Variants in UGT8 observed in about 807,000 individuals in gnomAD.
UGT8 encodes UDP glycosyltransferase 8.
In UGT8, 12 loss-of-function variants were observed where a neutral mutation model predicts 40.5. The observed-to-expected ratio is 0.30, with a 90% CI of 0.19 to 0.48. UGT8 has a LOEUF of 0.48. Ranked by LOEUF, UGT8 falls within the 20% of genes least tolerant of loss-of-function variation. The probability of loss-of-function intolerance (pLI) is 0.99; values close to 1 mark genes in which losing one functional copy is unlikely to be tolerated. For synonymous variants in UGT8, 224 were observed against 240.4 expected (o/e 0.93, Z 0.63); for missense variants, 513 against 648.7 (o/e 0.79, Z 2.27).
intron 2 of UGT8, chr4:114,663,694 A>G: frequency 3.0e-6 from 3 of 985,128 alleles, no homozygotes; most frequent in Non-Finnish European, 3.6e-6. Flanking sequence ...AACATGCATC[A>G]GTTGTCATTT....
At chr4:114,612,248 A>T (rs1474003945) in intron 1 of UGT8, among the ~76,000 whole-genome samples, 3 of 152,096 alleles carry the variant, frequency 2.0e-5, no homozygotes, top group Non-Finnish European at 2.9e-5. Context: ...TTAGTTGTTT[A>T]TTTTGGTATA....
At chr4:114,614,798 G>T in intron 1 of UGT8, among the ~76,000 whole-genome samples, 1 of 148,728 alleles carries the variant, frequency 6.7e-6, no homozygotes, top group Non-Finnish European at 1.5e-5. Context: ...AGTTCTCTCT[G>T]TGTAAGGTTT....
chr4:114,605,508 A>G (rs1363539926), intron 1 of UGT8, among the ~76,000 whole-genome samples: 1 of 152,196 alleles, frequency 6.6e-6, no homozygotes, highest in Non-Finnish European at 1.5e-5. Context: ...ATTATATAAC[A>G]AAATATTTGT....
intron 3 of UGT8, 95 bp downstream of exon 3, chr4:114,664,232 C>A: frequency 7.2e-7 from 1 of 1,382,836 alleles, no homozygotes; most frequent in Non-Finnish European, 9.9e-7. Flanking sequence ...CATTGTTTCC[C>A]TGACAAGATT....
chr4:114,671,216 A>G (rs1011392117), intron 5 of UGT8, among the ~76,000 whole-genome samples: 1 of 152,254 alleles, frequency 6.6e-6, no homozygotes. Flanking sequence ...AATATTGTGA[A>G]AATGGCTATA....
intron 1 of UGT8, among the ~76,000 whole-genome samples, chr4:114,601,378 A>G (rs889580151): frequency 3.9e-5 from 6 of 152,220 alleles, no homozygotes; most frequent in Non-Finnish European, 8.8e-5. Context: ...GCACCTGTTT[A>G]TCAAATAATA....
chr4:114,632,196 TAGAG>T (rs1281219838), intron 2 of UGT8, among the ~76,000 whole-genome samples: 1 of 152,166 alleles, frequency 6.6e-6, no homozygotes, highest in African/African-American at 2.4e-5. Context: ...AATATAAACA[TAGAG>T]AGTTAATTAG....
chr4:114,646,007 A>C (rs1733547573), intron 2 of UGT8, among the ~76,000 whole-genome samples: 1 of 152,192 alleles, frequency 6.6e-6, no homozygotes, highest in South Asian at 2.1e-4. Flanking sequence ...CAGAGACGGA[A>C]TATCTTTTTC....
rs978510435 is a variant in UGT8 at position 114,639,736 on chromosome 4, G to C, written c.822+16034G>C. 2.0e-5 allele frequency among the ~76,000 whole-genome samples: 3 copies of C among 152,278 alleles called. No individual in the cohort carries two copies. In the East Asian group the frequency reaches 5.8e-4, roughly 29 times the overall value. ...ATTGGGAAAATGATTTAATTTCTCA[G>C]AACTTCAACTTATCCATGAAATGTA... On this transcript the variant is annotated intron_variant, in intron 2 of 5. Coordinates refer to ENST00000310836, the MANE Select transcript of UGT8 (RefSeq NM_001128174.3).
chr4:114,631,733 C>T (rs1260727854), intron 2 of UGT8, among the ~76,000 whole-genome samples: 1 of 152,202 alleles, frequency 6.6e-6, no homozygotes, highest in Admixed American at 6.5e-5. Flanking sequence ...CTCATACAAT[C>T]CATGTGATCC....
Position 114,649,537 on chromosome 4 carries a change from A to G in UGT8, c.823-14458A>G, listed in dbSNP as rs79878554. 6.1e-3 allele frequency among the ~76,000 whole-genome samples: 930 copies of G among 152,310 alleles called. 31 individuals are homozygous for G. Among genetic ancestry groups the G allele is most frequent in the Admixed American group, 0.049 (754 of 15,296 alleles). ...ATCAGTAGGGACCCAAGCTGCTTCA[A>G]CACTCTGCTCTACCATCCTCCTGTG... On this transcript the variant is annotated intron_variant, in intron 2 of 5. Transcript: ENST00000310836.
At chr4:114,668,380 A>G in intron 5 of UGT8, 76 bp downstream of exon 5, 1 of 1,179,112 alleles carries the variant, frequency 8.5e-7, no homozygotes, top group Non-Finnish European at 1.2e-6. Flanking sequence ...TATTTTCAAT[A>G]GATTGTCAAT....
chr4:114,618,700 T>C (rs1251068191), intron 1 of UGT8, among the ~76,000 whole-genome samples: 1 of 152,186 alleles, frequency 6.6e-6, no homozygotes, highest in Non-Finnish European at 1.5e-5. Flanking sequence ...TTTATGCTTA[T>C]TTTTTTCTCT....
At chr4:114,674,028 C>G (rs1735463983) in intron 5 of UGT8, among the ~76,000 whole-genome samples, 1 of 152,126 alleles carries the variant, frequency 6.6e-6, no homozygotes, top group Non-Finnish European at 1.5e-5. Flanking sequence ...TTCTCTCACT[C>G]CTAACAACCT....
intron 2 of UGT8, among the ~76,000 whole-genome samples, chr4:114,647,479 C>A (rs1560694319): frequency 6.6e-6 from 1 of 151,640 alleles, no homozygotes; most frequent in Non-Finnish European, 1.5e-5. Flanking sequence ...GATTCTCCTG[C>A]CTCAGCCTCC....
At position 114,670,479 on chromosome 4, in the gene UGT8, G is replaced by A. The variant is rs189034303; in HGVS notation, c.1262+2175G>A. ...AAGCTTATCCACTATGATCAAGTTG[G>A]TTTCATCCCTGGGATGCAAGGCTGG... On this transcript the variant is annotated intron_variant, in intron 5 of 5. Transcript: ENST00000310836. 2.5e-3 allele frequency among the ~76,000 whole-genome samples: 377 copies of A among 149,926 alleles called. 1 individual carries two copies. Among genetic ancestry groups the A allele is most frequent in the Middle Eastern group, 7.0e-3 (2 of 286 alleles).
intron 2 of UGT8, among the ~76,000 whole-genome samples, chr4:114,631,616 C>T (rs1428581975): frequency 6.6e-6 from 1 of 152,168 alleles, no homozygotes; most frequent in Non-Finnish European, 1.5e-5. Context: ...TGATTGTAGG[C>T]CACTTAGTAG....
chr4:114,660,374 AT>A (rs1192224769), intron 2 of UGT8, among the ~76,000 whole-genome samples: 18 of 152,166 alleles, frequency 1.2e-4, no homozygotes, highest in Non-Finnish European at 2.6e-4. Flanking sequence ...AACAATTTGA[AT>A]TTGTTTCTCT....
Position 114,676,637 on chromosome 4 carries a change from GTGTA to G in UGT8, c.*353_*356del, listed in dbSNP as rs1280104277. ...TCATTTTTCTTAATAATGTGTGTGT[GTGTA>G]TGTGTGTGTGTGTGTGTGTGTGTTT... On this transcript the variant is annotated 3_prime_UTR_variant, in exon 6 of 6. Transcript: ENST00000310836. 22 of 210,948 alleles carry G rather than the reference GTGTA, an allele frequency of 1.0e-4. No individual in the cohort carries two copies. Among genetic ancestry groups the G allele is most frequent in the African/African-American group, 3.9e-4 (16 of 41,420 alleles). 13.1% of individuals were successfully genotyped at this position (210,948 alleles called of 1,614,324 possible).
Sources: allele counts gnomAD v4.1 joint callset (sites outside exome capture counted in the v4.1 genomes callset), GRCh38; gene constraint gnomAD v4.1.1; transcripts MANE v1.5; gene names NCBI Gene and HGNC (gene_info 2026-07-23, HGNC 2026-07-21).